THSD7A: variants seen among roughly 807,000 people sequenced by gnomAD.
THSD7A encodes thrombospondin type-1 domain-containing protein 7A.
A neutral mutation model predicts 231.3 loss-of-function variants in THSD7A; 96 were observed. The observed-to-expected ratio is 0.41, with a 90% CI of 0.35 to 0.49. THSD7A has a LOEUF of 0.49. Among genes scored for constraint, THSD7A ranks in the 20% least tolerant of loss-of-function variants. The pLI is 0.05. For synonymous variants in THSD7A, 940 were observed against 743.3 expected, an observed-to-expected ratio of 1.26 and a Z score of -4.30; for missense variants, 2,290 against 2,070.2, an observed-to-expected ratio of 1.11 and a Z score of -2.06.
chr7:11,466,581 G>A (rs1351317751), intron 9 of THSD7A, among the ~76,000 whole-genome samples: 1 of 152,000 alleles, frequency 6.6e-6, no homozygotes, highest in African/African-American at 2.4e-5. Flanking sequence ...CCCAACTGAG[G>A]TGATTTTTTA....
chr7:11,712,539 T>C (rs939001342), intron 1 of THSD7A, among the ~76,000 whole-genome samples: 20 of 151,096 alleles, frequency 1.3e-4, no homozygotes, highest in African/African-American at 4.4e-4. Flanking sequence ...CACTAGACTT[T>C]AAATATTTTC....
At chr7:11,611,835 CATCTGTCT>C (rs1350803609) in intron 2 of THSD7A, among the ~76,000 whole-genome samples, 29 of 136,012 alleles carry the variant, frequency 2.1e-4, no homozygotes, top group African/African-American at 7.8e-4. Context: ...CACACACTAT[CATCTGTCT>C]ATCTATCTAT....
intron 6 of THSD7A, among the ~76,000 whole-genome samples, chr7:11,529,389 C>A (rs1016102013): frequency 6.6e-6 from 1 of 152,092 alleles, no homozygotes; most frequent in African/African-American, 2.4e-5. Flanking sequence ...GGCTGCAAAT[C>A]ATGTAATCAA....
At chr7:11,755,399 C>G (rs563222115) in intron 1 of THSD7A, among the ~76,000 whole-genome samples, 1 of 152,188 alleles carries the variant, frequency 6.6e-6, no homozygotes, top group Admixed American at 6.5e-5. Flanking sequence ...AATCCAAGAA[C>G]CCCATTCTGA....
At chr7:11,711,613 T>C (rs1239053959) in intron 1 of THSD7A, among the ~76,000 whole-genome samples, 15 of 151,092 alleles carry the variant, frequency 9.9e-5, no homozygotes, top group Non-Finnish European at 1.5e-5. Context: ...GGTGAACCTA[T>C]AACACTTGGT....
At chr7:11,564,427 G>C (rs1407604900) in intron 4 of THSD7A, among the ~76,000 whole-genome samples, 2 of 152,198 alleles carry the variant, frequency 1.3e-5, no homozygotes, top group African/African-American at 2.4e-5. Flanking sequence ...GAGGATATTT[G>C]AGCGATGGGT....
chr7:11,545,494 C>G (rs984145765), intron 4 of THSD7A, among the ~76,000 whole-genome samples: 3 of 152,056 alleles, frequency 2.0e-5, no homozygotes, highest in Non-Finnish European at 4.4e-5. Flanking sequence ...AAGACCTGCA[C>G]CCTCCAAGCA....
At chr7:11,382,151 C>T (rs1380374392) in intron 24 of THSD7A, among the ~76,000 whole-genome samples, 1 of 151,938 alleles carries the variant, frequency 6.6e-6, no homozygotes. Flanking sequence ...ATTTATATTG[C>T]CTTCAAGGCA....
chr7:11,519,161 A>T (rs1788157638), intron 6 of THSD7A, among the ~76,000 whole-genome samples: 1 of 140,214 alleles, frequency 7.1e-6, no homozygotes. Flanking sequence ...GTAATGTTCT[A>T]AAAAAATGTA....
chr7:11,614,493 G>A (rs1287538059), intron 2 of THSD7A, among the ~76,000 whole-genome samples: 1 of 152,208 alleles, frequency 6.6e-6, no homozygotes, highest in Non-Finnish European at 1.5e-5. Context: ...CAGTACTGCT[G>A]TAGCTGGTGT....
At chr7:11,785,086 T>C (rs1354395439) in intron 1 of THSD7A, among the ~76,000 whole-genome samples, 2 of 152,132 alleles carry the variant, frequency 1.3e-5, no homozygotes, top group Non-Finnish European at 2.9e-5. Context: ...TCCCATAGCA[T>C]TGTTTCCTGT....
Position 11,592,775 on chromosome 7 carries a change from C to T in THSD7A, c.1271+479G>A, listed in dbSNP as rs542226199. ...CAAAGTACTGAATTTTAATAGTTAA[C>T]GATAATCTATATTTGGAAAGTTTAT... On this transcript the variant is annotated intron_variant, in intron 3 of 27. Transcript: ENST00000423059. Among the ~76,000 whole-genome samples the T allele has an allele frequency of 1.1e-4, 16 of 152,102 alleles. No homozygotes were observed. In the South Asian group the frequency reaches 1.9e-3, roughly 18 times the overall value.
At position 11,426,856 on chromosome 7, in the gene THSD7A, T is replaced by A. The variant is rs1036242791; in HGVS notation, c.3244-185A>T. 5.3e-5 allele frequency among the ~76,000 whole-genome samples: 8 copies of A among 152,276 alleles called. No homozygotes were observed. In the East Asian group the frequency reaches 1.3e-3, roughly 26 times the overall value. On this transcript the variant is annotated intron_variant, in intron 14 of 27. Transcript: ENST00000423059. ...TCAGGAGATAATACACAACTACTTA[T>A]TAATGTTAAAAAGTAAGATACACAA...
At chr7:11,384,473 T>G (rs1293847888) in intron 23 of THSD7A, 1 of 151,906 alleles carries the variant, frequency 6.6e-6, no homozygotes. Flanking sequence ...CCTCTTATAT[T>G]TAGTATTTAC....
chr7:11,566,365 G>T (rs1343087028), intron 4 of THSD7A, among the ~76,000 whole-genome samples: 1 of 152,170 alleles, frequency 6.6e-6, no homozygotes, highest in African/African-American at 2.4e-5. Context: ...TCTATTCTCA[G>T]AAATTCCGAT....
chr7:11,385,312 T>C (rs2115310288), intron 23 of THSD7A: 1 of 152,212 alleles, frequency 6.6e-6, no homozygotes, highest in South Asian at 2.1e-4. Context: ...TGGAACCTCC[T>C]TCACTAGGTT....
rs1562728058 is a variant in THSD7A at position 11,568,656 on chromosome 7, C to CAAAAA, written c.1453+21803_1453+21804insTTTTT. 1.5e-3 allele frequency among the ~76,000 whole-genome samples: 134 copies of CAAAAA among 88,634 alleles called. 8 individuals are homozygous for CAAAAA. Among genetic ancestry groups the CAAAAA allele is most frequent in the Admixed American group, 3.1e-3 (22 of 7,008 alleles). The allele number at this position is 88,634 out of a possible 152,430, so 58.1% of individuals were successfully genotyped here. ...AAAAAAAAAAAAAAAAAAAAAAAAC[C>CAAAAA]AAAATCTGGAACAAGGTAAAGATGA... is the stretch of plus-strand genomic sequence containing the variant. On this transcript the variant is annotated intron_variant, in intron 4 of 27. Coordinates refer to ENST00000423059, the MANE Select transcript of THSD7A (RefSeq NM_015204.3).
At chr7:11,488,927 C>T (rs1389062725) in intron 6 of THSD7A, among the ~76,000 whole-genome samples, 13 of 150,914 alleles carry the variant, frequency 8.6e-5, no homozygotes, top group Admixed American at 5.3e-4. Flanking sequence ...CGCTGTCTTC[C>T]TTTAGGACTC....
In THSD7A at chr7:11,379,073, G is replaced by A; in HGVS notation, c.4798C>T (p.Pro1600Ser). The A allele has an allele frequency of 6.2e-7, 1 of 1,612,810 alleles. No individual in the cohort carries two copies. The highest frequency in any genetic ancestry group is 8.5e-7 in the Non-Finnish European group (1 of 1,179,526). ...AACACTAGTCTAGTCAGTTCACCTG[G>A]CCCAAATGGCTGTAGAAACCAGGTC... ...GRTWFLQPFG[P>S]DGRLKTWVYG... is the part of the protein sequence containing the mutation. The change falls in exon 26 of 28, where the codon CCA becomes TCA. Residue 1600 changes from proline to serine, a missense_variant. Transcript: ENST00000423059.
Sources: gnomAD v4.1 joint callset for allele counts (sites outside exome capture counted in the v4.1 genomes callset) on GRCh38, gnomAD v4.1.1 for gene constraint, MANE v1.5 for transcripts, NCBI Gene and HGNC (gene_info 2026-07-23, HGNC 2026-07-21) for gene names.